The following VAV3 variants were observed in gnomAD, a reference collection of about 807,000 sequenced individuals.
VAV3 encodes guanine nucleotide exchange factor VAV3.
Under a neutral mutation model 131.2 loss-of-function variants are expected in VAV3, and 94 were observed. That is an observed-to-expected ratio of 0.72 (90% CI 0.61 to 0.85). VAV3 has a LOEUF of 0.85. Ranked by LOEUF, VAV3 falls within the 40% of genes least tolerant of loss-of-function variation. The pLI is 0.00. For synonymous variants in VAV3, 349 were observed against 342.0 expected (o/e 1.02, Z -0.22); for missense variants, 939 against 1,002.7 (o/e 0.94, Z 0.86).
chr1:107,826,418 C>T (rs1668016525), intron 2 of VAV3, among the ~76,000 whole-genome samples: 1 of 152,102 alleles, frequency 6.6e-6, no homozygotes, highest in Non-Finnish European at 1.5e-5. Flanking sequence ...TCAACCCTTC[C>T]AAGTTGAGCT....
At chr1:107,940,003 G>A (rs1487242145) in intron 1 of VAV3, among the ~76,000 whole-genome samples, 1 of 152,114 alleles carries the variant, frequency 6.6e-6, no homozygotes, top group East Asian at 1.9e-4. Flanking sequence ...GTTGCAATAA[G>A]AGGCCAAGCA....
chr1:107,802,723 T>G (rs1160826030), intron 2 of VAV3, among the ~76,000 whole-genome samples: 1 of 152,174 alleles, frequency 6.6e-6, no homozygotes, highest in African/African-American at 2.4e-5. Context: ...TTTAATGTGT[T>G]GCTGAATTCA....
intron 2 of VAV3, among the ~76,000 whole-genome samples, chr1:107,829,244 T>C (rs151060727): frequency 2.6e-5 from 4 of 152,314 alleles, no homozygotes; most frequent in East Asian, 3.9e-4. Flanking sequence ...TACAGCACTA[T>C]TGTATTTTAA....
At chr1:107,785,361 A>G (rs952882816) in intron 2 of VAV3, 31 of 1,141,796 alleles carry the variant, frequency 2.7e-5, no homozygotes, top group Middle Eastern at 4.6e-4. Flanking sequence ...CTATTCTGAA[A>G]TCTCACCACT....
intron 1 of VAV3, among the ~76,000 whole-genome samples, chr1:107,931,694 A>G (rs947281469): frequency 6.6e-6 from 1 of 152,262 alleles, no homozygotes; most frequent in Non-Finnish European, 1.5e-5. Context: ...AATAAAGAAA[A>G]TGAAGACCAG....
At chr1:107,596,468 A>C (rs1394424687) in intron 24 of VAV3, 127 bp from the exon 25 acceptor site, 6 of 958,180 alleles carry the variant, frequency 6.3e-6, no homozygotes, top group Admixed American at 2.8e-5. Flanking sequence ...GGTATATGGA[A>C]GATTAAGCAA....
At chr1:107,958,897 T>C (rs1288244612) in intron 1 of VAV3, among the ~76,000 whole-genome samples, 2 of 152,232 alleles carry the variant, frequency 1.3e-5, no homozygotes, top group East Asian at 3.9e-4. Context: ...AAGAGTACCA[T>C]ATGAGAAAAT....
intron 15 of VAV3, among the ~76,000 whole-genome samples, chr1:107,733,859 G>T (rs192928293): frequency 6.6e-6 from 1 of 152,058 alleles, no homozygotes; most frequent in African/African-American, 2.4e-5. Context: ...TAACAAGGCA[G>T]GCCAACATTC....
chr1:107,737,265 T>G (rs1662706979), intron 15 of VAV3, among the ~76,000 whole-genome samples: 1 of 152,158 alleles, frequency 6.6e-6, no homozygotes, highest in African/African-American at 2.4e-5. Context: ...GAAGAAAACC[T>G]AGGCAATACC....
chr1:107,622,743 T>C (rs1653701505), intron 20 of VAV3, among the ~76,000 whole-genome samples: 1 of 152,170 alleles, frequency 6.6e-6, no homozygotes, highest in Non-Finnish European at 1.5e-5. Context: ...TGGGTAATGG[T>C]CAGAGCGACT....
chr1:107,948,727 C>CA (rs1674388632), intron 1 of VAV3, among the ~76,000 whole-genome samples: 1 of 152,012 alleles, frequency 6.6e-6, no homozygotes, highest in East Asian at 1.9e-4. Context: ...CCTGTAATCC[C>CA]AGCTACTCAG....
intron 25 of VAV3, among the ~76,000 whole-genome samples, chr1:107,590,053 G>A (rs1291788244): frequency 1.3e-5 from 2 of 152,220 alleles, no homozygotes; most frequent in Non-Finnish European, 2.9e-5. Flanking sequence ...AATGGGGACA[G>A]TGGGTGACAG....
intron 1 of VAV3, among the ~76,000 whole-genome samples, chr1:107,898,193 CAT>C (rs1557910195): frequency 6.6e-6 from 1 of 151,816 alleles, no homozygotes; most frequent in Admixed American, 6.6e-5. Flanking sequence ...CACGTGAATA[CAT>C]ATATATAATG....
intron 15 of VAV3, among the ~76,000 whole-genome samples, chr1:107,709,646 A>C (rs1449250163): frequency 6.6e-6 from 1 of 152,166 alleles, no homozygotes; most frequent in Non-Finnish European, 1.5e-5. Context: ...GACCAGGTGG[A>C]GATAACTGAA....
At chr1:107,781,099 G>A (rs1009339180) in intron 2 of VAV3, among the ~76,000 whole-genome samples, 5 of 151,960 alleles carry the variant, frequency 3.3e-5, no homozygotes, top group African/African-American at 4.8e-5. Context: ...TATATATATG[G>A]TTGTAGTTAG....
intron 25 of VAV3, chr1:107,578,625 T>C (rs1649822259): frequency 5.0e-6 from 1 of 199,072 alleles, no homozygotes; most frequent in Non-Finnish European, 9.0e-6. Flanking sequence ...TTTCTTTTTT[T>C]TGAGACGGAG....
chr1:107,803,736 C>T (rs1010094203), intron 2 of VAV3, among the ~76,000 whole-genome samples: 2 of 152,070 alleles, frequency 1.3e-5, no homozygotes, highest in Non-Finnish European at 2.9e-5. Context: ...AGCTGGGTGA[C>T]ACATTCTGTA....
intron 15 of VAV3, among the ~76,000 whole-genome samples, chr1:107,743,642 A>G (rs960696537): frequency 2.0e-5 from 3 of 152,246 alleles, no homozygotes; most frequent in South Asian, 4.1e-4. Context: ...AAATATTTGC[A>G]GAATGAATAA....
intron 19 of VAV3, chr1:107,669,365 T>A: frequency 7.8e-7 from 1 of 1,289,814 alleles, no homozygotes; most frequent in Non-Finnish European, 1.0e-6. Context: ...ACCTCAAGGC[T>A]GCATTTTCAC....
Sources: allele counts gnomAD v4.1 joint callset (sites outside exome capture counted in the v4.1 genomes callset), GRCh38; gene constraint gnomAD v4.1.1; transcripts MANE v1.5; gene names NCBI Gene and HGNC (gene_info 2026-07-23, HGNC 2026-07-21).